The following ARHGAP35 variants were observed in gnomAD, a reference collection of about 807,000 sequenced individuals.
ARHGAP35 encodes the protein rho GTPase-activating protein 35.
ARHGAP35 carries 15 observed loss-of-function variants against 111.1 expected under a neutral mutation model. The ratio of observed to expected loss-of-function variants is 0.13; its 90% CI spans 0.09 to 0.21. The LOEUF (loss-of-function observed/expected upper bound fraction) is 0.21, where lower values mean the gene tolerates loss of function less well. Among genes scored for constraint, ARHGAP35 ranks in the 10% least tolerant of loss-of-function variants. The pLI is 1.00. For missense variants in ARHGAP35, 1,262 were observed against 1,873.0 expected (o/e 0.67, Z 6.02); for synonymous variants, 643 against 710.3 (o/e 0.91, Z 1.51).
At position 46,921,642 on chromosome 19, in the gene ARHGAP35, C is replaced by G; in HGVS notation, c.2967C>G (p.Ile989Met). 6.2e-7 allele frequency: 1 copy of G among 1,613,940 alleles called. No homozygotes were observed. Among genetic ancestry groups the G allele is most frequent in the Non-Finnish European group, 8.5e-7 (1 of 1,179,890 alleles). The change falls in exon 2 of 7, where the codon ATC (isoleucine) becomes ATG (methionine). Residue 989 changes from isoleucine to methionine, a missense_variant. Physicochemically the swap from Ile to Met is conservative, Grantham distance 10. Coordinates refer to ENST00000672722, the MANE Select transcript of ARHGAP35 (RefSeq NM_004491.5). The surrounding 1 kb of genome is among the most constrained non-coding windows in gnomAD (Gnocchi z 4.3). ...ACCTGCAGGATTCAGAAGAAGATAT[C>G]GAGCCATCTTACAGCCTGTTTCGAG... ...NSNLQDSEED[I>M]EPSYSLFRED...
rs1447959121 is a variant in ARHGAP35 at position 46,926,297 on chromosome 19, C to T, written c.3681+3941C>T. Among the ~76,000 whole-genome samples, 2 of 152,156 alleles carry T rather than the reference C, an allele frequency of 1.3e-5. No homozygotes were observed. Among genetic ancestry groups the T allele is most frequent in the Non-Finnish European group, 2.9e-5 (2 of 68,024 alleles). On this transcript the variant is annotated intron_variant, in intron 2 of 6. Transcript: ENST00000672722. The surrounding 1 kb of genome is among the most constrained non-coding windows in gnomAD (Gnocchi z 4.1). Reference sequence around the variant, plus strand: ...TTTCCCAGCTGAACCATTTAGCAACCCACCCTCATAGTGGGAGCCTTCCGC... The same window carrying T: ...TTTCCCAGCTGAACCATTTAGCAACTCACCCTCATAGTGGGAGCCTTCCGC...
At position 46,910,685 on chromosome 19, in the gene ARHGAP35, G is replaced by A. The variant is rs143701432; in HGVS notation, c.-188-7803G>A. 6.1e-3 allele frequency among the ~76,000 whole-genome samples: 922 copies of A among 152,204 alleles called. 5 individuals are homozygous for A. The highest frequency in any genetic ancestry group is 0.021 in the African/African-American group (860 of 41,526). ...GCTCACTGCAACCTCTGCCTCCTGT[G>A]CTCAAGTGATCCTCCCACTTCAGCC... On this transcript the variant is annotated intron_variant, in intron 1 of 6. Coordinates refer to ENST00000672722, the MANE Select transcript of ARHGAP35 (RefSeq NM_004491.5).
intron 1 of ARHGAP35, among the ~76,000 whole-genome samples, chr19:46,876,214 T>C (rs2055919726): frequency 6.6e-6 from 1 of 151,192 alleles, no homozygotes; most frequent in Admixed American, 6.6e-5. Flanking sequence ...TTAATTTAAT[T>C]TTTTTTTTGA....
At chr19:46,943,856 C>CT (rs1389427767) in intron 3 of ARHGAP35, among the ~76,000 whole-genome samples, 1 of 152,216 alleles carries the variant, frequency 6.6e-6, no homozygotes, top group African/African-American at 2.4e-5. Context: ...GCTGCCCACT[C>CT]ACCTGTCTGC....
intron 1 of ARHGAP35, among the ~76,000 whole-genome samples, chr19:46,862,038 G>T (rs974798584): frequency 6.6e-6 from 1 of 152,050 alleles, no homozygotes. Context: ...TGGCTGCACC[G>T]TGCTTGCCTG....
intron 1 of ARHGAP35, among the ~76,000 whole-genome samples, chr19:46,887,922 A>G (rs564762544): frequency 6.8e-6 from 1 of 147,628 alleles, no homozygotes; most frequent in African/African-American, 2.5e-5. Flanking sequence ...GCTGAGTGGA[A>G]CCCTCATTGT....
At chr19:46,915,929 C>CTTTTTT (rs869240851) in intron 1 of ARHGAP35, among the ~76,000 whole-genome samples, 2 of 113,570 alleles carry the variant, frequency 1.8e-5, no homozygotes, top group African/African-American at 3.3e-5. Flanking sequence ...AATCCAAACT[C>CTTTTTT]TTTTTTTTTT....
chr19:46,957,031 G>A (rs1001255502), intron 3 of ARHGAP35, among the ~76,000 whole-genome samples: 2 of 134,386 alleles, frequency 1.5e-5, no homozygotes, highest in Non-Finnish European at 3.1e-5. Flanking sequence ...GCCATCTCTC[G>A]GCTCACTGCA....
chr19:46,888,333 T>TACACACACAC (rs72465629), intron 1 of ARHGAP35, among the ~76,000 whole-genome samples: 6 of 67,406 alleles, frequency 8.9e-5, no homozygotes, highest in African/African-American at 2.9e-4. Flanking sequence ...ATTGATTTTA[T>TACACACACAC]ACACACACAC....
At chr19:46,917,335 T>A (rs745509730) in intron 1 of ARHGAP35, among the ~76,000 whole-genome samples, 10 of 152,232 alleles carry the variant, frequency 6.6e-5, no homozygotes, top group Non-Finnish European at 1.5e-4. Context: ...AGGCCAGGCG[T>A]GATCGCTTAC....
chr19:46,922,415 A>G lies in ARHGAP35; in HGVS notation c.3681+59A>G, dbSNP rs2056208822. 2.1e-6 allele frequency: 3 copies of G among 1,404,888 alleles called. No homozygotes were observed. The highest frequency in any genetic ancestry group is 3.1e-5 in the South Asian group (2 of 65,052). The allele number at this position is 1,404,888 out of a possible 1,614,324, so 87.0% of individuals were successfully genotyped here. On this transcript the variant is annotated intron_variant, in intron 2 of 6. Transcript: ENST00000672722. This position sits in a 1 kb window ranked among gnomAD's most constrained non-coding sequence, Gnocchi z 4.0. ...TTGTACAGCGTCTCGGTGAGGGTTG[A>G]TTGATGATGATTTTTCAAGGACAAC... is the stretch of plus-strand genomic sequence containing the variant.
intron 3 of ARHGAP35, among the ~76,000 whole-genome samples, chr19:46,976,178 C>A (rs995845702): frequency 4.0e-5 from 6 of 150,046 alleles, no homozygotes; most frequent in Non-Finnish European, 8.9e-5. Context: ...TGCTTTCCCA[C>A]AGTCCAAATA....
intron 1 of ARHGAP35, among the ~76,000 whole-genome samples, chr19:46,888,333 TACACACACACACACACAC>T (rs72465629): frequency 1.5e-5 from 1 of 67,406 alleles, no homozygotes; most frequent in African/African-American, 5.8e-5. Flanking sequence ...ATTGATTTTA[TACACACACACACACACAC>T]ACACACACAC....
intron 3 of ARHGAP35, among the ~76,000 whole-genome samples, chr19:46,958,188 C>T (rs1444791089): frequency 6.6e-6 from 1 of 152,140 alleles, no homozygotes; most frequent in Non-Finnish European, 1.5e-5. Context: ...TCGAGACCAT[C>T]CTGGCTTACA....
At chr19:46,898,824 T>C (rs2056070235) in intron 1 of ARHGAP35, among the ~76,000 whole-genome samples, 1 of 151,520 alleles carries the variant, frequency 6.6e-6, no homozygotes, top group African/African-American at 2.4e-5. Context: ...TGGAGCTGTA[T>C]TGCTGCAGTT....
intron 3 of ARHGAP35, among the ~76,000 whole-genome samples, chr19:46,966,219 A>T (rs888024719): frequency 3.3e-5 from 5 of 152,160 alleles, no homozygotes; most frequent in African/African-American, 1.2e-4. Context: ...GTGCATTTTA[A>T]CCATTCCATT....
chr19:47,000,866 AC>A lies in ARHGAP35; in HGVS notation c.*181del. 6.5e-7 allele frequency: 1 copy of A among 1,535,788 alleles called. No individual in the cohort carries two copies. The highest frequency in any genetic ancestry group is 8.7e-7 in the Non-Finnish European group (1 of 1,146,502). ...GGTACCATCGGCTGGGCTGCCAGGT[AC>A]CCTGGGCCTGGCGCTGCAGACCTGA... On this transcript the variant is annotated 3_prime_UTR_variant, in exon 7 of 7. Coordinates refer to ENST00000672722, the MANE Select transcript of ARHGAP35 (RefSeq NM_004491.5). The surrounding 1 kb of genome is among the most constrained non-coding windows in gnomAD (Gnocchi z 6.9).
chr19:46,967,992 CTGAT>C (rs1326509299), intron 3 of ARHGAP35, among the ~76,000 whole-genome samples: 1 of 152,238 alleles, frequency 6.6e-6, no homozygotes, highest in Non-Finnish European at 1.5e-5. Flanking sequence ...ACACTGTACT[CTGAT>C]TGTCTTCCTT....
In ARHGAP35 at chr19:46,915,808, A is replaced by AT. The variant is rs144998987; in HGVS notation, c.-188-2680_-188-2679insT. On this transcript the variant is annotated intron_variant, in intron 1 of 6. Transcript: ENST00000672722. ...AAACTGTCGTAGCTGGAAAGTTGCTAAAGACTGTAAGCCATAACAGTTTGT... is the reference window on the plus strand; with the variant it reads ...AAACTGTCGTAGCTGGAAAGTTGCTATAAGACTGTAAGCCATAACAGTTTGT... 4.7e-4 allele frequency among the ~76,000 whole-genome samples: 72 copies of AT among 152,288 alleles called. No individual in the cohort carries two copies. The East Asian group carries it at 0.013, about 27-fold the overall frequency.
Sources: gnomAD v4.1 joint callset for allele counts (sites outside exome capture counted in the v4.1 genomes callset) on GRCh38, gnomAD v4.1.1 for gene constraint, Gnocchi (gnomAD v3.1) non-coding constraint, MANE v1.5 for transcripts, NCBI Gene and HGNC (gene_info 2026-07-23, HGNC 2026-07-21) for gene names.